DCUN1D1: variants seen among roughly 807,000 people sequenced by gnomAD.
DCUN1D1 encodes the protein defective in cullin neddylation 1 domain containing 1.
In DCUN1D1, 3 loss-of-function variants were observed where a neutral mutation model predicts 39.0. The ratio of observed to expected loss-of-function variants is 0.08; its 90% CI spans 0.04 to 0.20. The LOEUF (loss-of-function observed/expected upper bound fraction) is 0.20, where lower values mean the gene tolerates loss of function less well. Ranked by LOEUF, DCUN1D1 falls within the 10% of genes least tolerant of loss-of-function variation. DCUN1D1 has a pLI of 1.00. For missense variants in DCUN1D1, 158 were observed against 302.4 expected (o/e 0.52, Z 3.54); for synonymous variants, 82 against 96.3 (o/e 0.85, Z 0.87).
upstream of DCUN1D1, among the ~76,000 whole-genome samples, chr3:182,984,572 T>C (rs1346243122): frequency 1.3e-5 from 2 of 151,942 alleles, no homozygotes; most frequent in African/African-American, 4.8e-5. Flanking sequence ...TTGCCTATCT[T>C]GTCTATCTCT....
chr3:182,969,589 T>C (rs751393650), intron 1 of DCUN1D1, among the ~76,000 whole-genome samples: 41 of 152,176 alleles, frequency 2.7e-4, no homozygotes, highest in Non-Finnish European at 5.4e-4. Context: ...GGGAATAAAC[T>C]AGAGTAATAA....
chr3:182,972,182 T>C (rs987425215), intron 1 of DCUN1D1, among the ~76,000 whole-genome samples: 4 of 148,282 alleles, frequency 2.7e-5, no homozygotes, highest in African/African-American at 1.0e-4. Flanking sequence ...TAAAAACAGA[T>C]GGCTATAATC....
At position 182,938,188 on chromosome 3, in the gene DCUN1D1, A is replaced by G. The variant is rs555736423; in HGVS notation, c.*6906T>C. 2 of 152,348 alleles carry G rather than the reference A, an allele frequency of 1.3e-5. No individual in the cohort carries two copies. Among genetic ancestry groups the G allele is most frequent in the South Asian group, 4.1e-4 (2 of 4,828 alleles). The allele number at this position is 152,348 out of a possible 1,614,324, so 9.4% of individuals were successfully genotyped here. ...TAGAATTTTTTTATTAAGTACATCAAAATTTCACCTTACATTTGAAATTGC... is the reference window on the plus strand; with the variant it reads ...TAGAATTTTTTTATTAAGTACATCAGAATTTCACCTTACATTTGAAATTGC... On this transcript the variant is annotated 3_prime_UTR_variant, in exon 7 of 7. Coordinates refer to ENST00000292782, the MANE Select transcript of DCUN1D1 (RefSeq NM_020640.4).
chr3:182,956,780 A>C (rs1328970542), intron 4 of DCUN1D1, among the ~76,000 whole-genome samples: 2 of 152,268 alleles, frequency 1.3e-5, no homozygotes, highest in Non-Finnish European at 2.9e-5. Flanking sequence ...TATGGCCCTA[A>C]AAATGATATG....
rs1482195071 is a variant in DCUN1D1 at position 182,955,404 on chromosome 3, TC to T, written c.520+5821del. 19 of 543,750 alleles carry T rather than the reference TC, an allele frequency of 3.5e-5. 1 individual carries two copies. Among genetic ancestry groups the T allele is most frequent in the Middle Eastern group, 4.7e-4 (1 of 2,118 alleles). 33.7% of individuals were successfully genotyped at this position (543,750 alleles called of 1,614,324 possible). The stretch of plus-strand genomic sequence containing the variant: ...ATTGAACAGAATAGCAATGTCTTCT[TC>T]TTCCCACATTTTGCGCAAACTTCAA... On this transcript the variant is annotated intron_variant, in intron 4 of 6. Coordinates refer to ENST00000292782, the MANE Select transcript of DCUN1D1 (RefSeq NM_020640.4).
rs755909007 is a variant in DCUN1D1, at chr3:182,961,363, C to A, written c.390-7G>T. On this transcript the variant is annotated splice_region_variant and splice_polypyrimidine_tract_variant and intron_variant, in intron 3 of 6. Transcript: ENST00000292782. The stretch of plus-strand genomic sequence containing the variant: ...TTTTTCTATGCTGTCACATCTGCGT[C>A]GTAAAATTAAGTTTATAAAAGATTA... The A allele has an allele frequency of 3.2e-6, 5 of 1,579,064 alleles. No homozygotes were observed. The Admixed American group carries it at 7.8e-5, about 25-fold the overall frequency.
In DCUN1D1 at chr3:182,939,856, G is replaced by A. The variant is rs1726060752; in HGVS notation, c.*5238C>T. On this transcript the variant is annotated 3_prime_UTR_variant, in exon 7 of 7. Coordinates refer to ENST00000292782, the MANE Select transcript of DCUN1D1 (RefSeq NM_020640.4). ...TAAATTATACAAAGCAATTTTTTAA[G>A]TACCATTGTAACAAAGTCTTACAAA... 1 of 152,142 alleles carries A rather than the reference G, an allele frequency of 6.6e-6. No individual in the cohort carries two copies. Among genetic ancestry groups the A allele is most frequent in the Non-Finnish European group, 1.5e-5 (1 of 68,012 alleles). The allele number at this position is 152,142 out of a possible 1,614,324, so 9.4% of individuals were successfully genotyped here.
intron 4 of DCUN1D1, among the ~76,000 whole-genome samples, chr3:182,958,803 C>T (rs1360012627): frequency 3.3e-5 from 5 of 151,830 alleles, no homozygotes; most frequent in Non-Finnish European, 7.4e-5. Context: ...TTAATATATC[C>T]AATAGTTATA....
At position 182,941,729 on chromosome 3, in the gene DCUN1D1, A is replaced by G. The variant is rs1726141852; in HGVS notation, c.*3365T>C. The G allele has an allele frequency of 6.6e-6, 1 of 152,132 alleles. No individual in the cohort carries two copies. The highest frequency in any genetic ancestry group is 2.4e-5 in the African/African-American group (1 of 41,452). 9.4% of individuals were successfully genotyped at this position (152,132 alleles called of 1,614,324 possible). A position where few individuals can be genotyped will look rare whatever the true frequency, so the allele number is the denominator to read the frequency against. ...TACACAATTTAACATTTAAAACTAC[A>G]TAAATTAATTCTTGCTAAAAGTTGA... On this transcript the variant is annotated 3_prime_UTR_variant, in exon 7 of 7. Transcript: ENST00000292782.
rs1726305488 is a variant in DCUN1D1, at chr3:182,944,670, C to T, written c.*424G>A. 6.4e-6 allele frequency: 1 copy of T among 155,242 alleles called. No homozygotes were observed. The highest frequency in any genetic ancestry group is 1.4e-5 in the Non-Finnish European group (1 of 69,934). 9.6% of individuals were successfully genotyped at this position (155,242 alleles called of 1,614,324 possible). On this transcript the variant is annotated 3_prime_UTR_variant, in exon 7 of 7. Coordinates refer to ENST00000292782, the MANE Select transcript of DCUN1D1 (RefSeq NM_020640.4). ...CATAGTCTTTGCAACTAGCCCAAAG[C>T]GTATATTTAAGAAGTTTTTATAAAT...
intron 6 of DCUN1D1, among the ~76,000 whole-genome samples, chr3:182,945,597 AAAACAAAC>A (rs150035022): frequency 7.9e-5 from 12 of 151,786 alleles, no homozygotes; most frequent in South Asian, 2.1e-4. Context: ...ACTCCCTCTC[AAAACAAAC>A]AAACAAACAA....
At chr3:182,975,125 G>A (rs1728153298) in intron 1 of DCUN1D1, among the ~76,000 whole-genome samples, 1 of 151,288 alleles carries the variant, frequency 6.6e-6, no homozygotes, top group Non-Finnish European at 1.5e-5. Flanking sequence ...GCAGCCACTT[G>A]ACCCAAATGA....
chr3:182,977,530 G>A (rs1728297099), intron 1 of DCUN1D1, among the ~76,000 whole-genome samples: 1 of 151,990 alleles, frequency 6.6e-6, no homozygotes, highest in Non-Finnish European at 1.5e-5. Context: ...TCCTCCTCTG[G>A]GTTCCAGTGA....
At chr3:182,980,147 C>T in intron 1 of DCUN1D1, 1 of 740,440 alleles carries the variant, frequency 1.4e-6, no homozygotes, top group Non-Finnish European at 1.7e-6. Flanking sequence ...AGGCCGTTGC[C>T]CCCTCCCCTC....
Position 182,955,043 on chromosome 3 carries a change from CT to C in DCUN1D1, c.520+6182del, listed in dbSNP as rs905343178. Among the ~76,000 whole-genome samples, 679 of 143,280 alleles carry C rather than the reference CT, an allele frequency of 4.7e-3. 5 individuals are homozygous for C. Among genetic ancestry groups the C allele is most frequent in the African/African-American group, 0.013 (518 of 39,428 alleles). The allele number at this position is 143,280 out of a possible 152,430, so 94.0% of individuals were successfully genotyped here. Reference sequence around the variant, plus strand: ...TCAGAATTTCACATTCTTAAATTGACTTTTTTTTTTTTTTGAGACTGAGCCT... The same window carrying C: ...TCAGAATTTCACATTCTTAAATTGACTTTTTTTTTTTTTGAGACTGAGCCT... On this transcript the variant is annotated intron_variant, in intron 4 of 6. Coordinates refer to ENST00000292782, the MANE Select transcript of DCUN1D1 (RefSeq NM_020640.4).
At chr3:182,984,174 C>T (rs188812248), upstream of DCUN1D1, among the ~76,000 whole-genome samples, 25 of 152,278 alleles carry the variant, frequency 1.6e-4, no homozygotes, top group Non-Finnish European at 3.4e-4. Flanking sequence ...TAAAGGAATG[C>T]TTGTTCTCCT....
At chr3:182,955,478 G>A in intron 4 of DCUN1D1, 1 of 534,992 alleles carries the variant, frequency 1.9e-6, no homozygotes, top group Non-Finnish European at 3.8e-6. Context: ...ATCCTCCACT[G>A]TCTTTTGTAA....
upstream of DCUN1D1, among the ~76,000 whole-genome samples, chr3:182,984,759 C>G (rs1433382995): frequency 6.6e-6 from 1 of 152,166 alleles, no homozygotes; most frequent in Non-Finnish European, 1.5e-5. Flanking sequence ...TGCAGTTCTG[C>G]TCAAAGAAAC....
chr3:182,958,949 T>C (rs1284745443), intron 4 of DCUN1D1, among the ~76,000 whole-genome samples: 1 of 152,224 alleles, frequency 6.6e-6, no homozygotes, highest in Non-Finnish European at 1.5e-5. Context: ...ATAGGTTATG[T>C]CCCTTTAAAT....
Sources: allele counts gnomAD v4.1 joint callset (sites outside exome capture counted in the v4.1 genomes callset), GRCh38; gene constraint gnomAD v4.1.1; transcripts MANE v1.5; gene names NCBI Gene and HGNC (gene_info 2026-07-23, HGNC 2026-07-21).